Variants in DGKI observed in about 807,000 individuals in gnomAD.
DGKI encodes the protein diacylglycerol kinase iota, also known as DAG kinase iota.
In DGKI, 55 loss-of-function variants were observed where a neutral mutation model predicts 147.5. The observed-to-expected ratio is 0.37, with a 90% CI of 0.30 to 0.47. The LOEUF (loss-of-function observed/expected upper bound fraction) is 0.47, where lower values mean the gene tolerates loss of function less well. Ranked by LOEUF, DGKI falls within the 20% of genes least tolerant of loss-of-function variation. The pLI, the probability that DGKI is intolerant of heterozygous loss-of-function variation, is 1.00. For missense variants in DGKI, 1,007 were observed against 1,323.8 expected, an observed-to-expected ratio of 0.76 and a Z score of 3.71; for synonymous variants, 469 against 477.1, an observed-to-expected ratio of 0.98 and a Z score of 0.22.
chr7:137,566,520 A>G (rs1818591504), intron 19 of DGKI, among the ~76,000 whole-genome samples: 1 of 152,170 alleles, frequency 6.6e-6, no homozygotes, highest in African/African-American at 2.4e-5. Context: ...CTTTTCTTAG[A>G]TAGCATTCTC....
At chr7:137,585,001 G>A (rs186287572) in intron 14 of DGKI, among the ~76,000 whole-genome samples, 39 of 152,286 alleles carry the variant, frequency 2.6e-4, no homozygotes, top group African/African-American at 8.9e-4. Flanking sequence ...TTTGGAAGCA[G>A]GTACGGAATC....
At chr7:137,580,593 T>A (rs1340431145) in intron 15 of DGKI, among the ~76,000 whole-genome samples, 1 of 152,128 alleles carries the variant, frequency 6.6e-6, no homozygotes, top group Non-Finnish European at 1.5e-5. Context: ...GAGCCTGTCC[T>A]CTCAAAACCT....
intron 1 of DGKI, among the ~76,000 whole-genome samples, chr7:137,708,836 A>T (rs1794126381): frequency 6.6e-6 from 1 of 152,222 alleles, no homozygotes; most frequent in South Asian, 2.1e-4. Context: ...GGCTACTAAG[A>T]GGAGGTGACA....
chr7:137,695,604 A>G (rs1175986201), intron 1 of DGKI, among the ~76,000 whole-genome samples: 1 of 152,192 alleles, frequency 6.6e-6, no homozygotes, highest in Admixed American at 6.6e-5. Flanking sequence ...AGGTAAGAAG[A>G]GGTCCGAGTA....
intron 8 of DGKI, among the ~76,000 whole-genome samples, chr7:137,614,237 G>A (rs1270490277): frequency 1.3e-5 from 2 of 152,102 alleles, no homozygotes; most frequent in Non-Finnish European, 2.9e-5. Flanking sequence ...TGAGATTCAT[G>A]AGAAAGTTAC....
chr7:137,586,413 C>G (rs990650440), intron 13 of DGKI, among the ~76,000 whole-genome samples: 4 of 150,970 alleles, frequency 2.6e-5, no homozygotes, highest in African/African-American at 9.8e-5. Context: ...GGCGACACAA[C>G]AAGACTGCAT....
intron 1 of DGKI, among the ~76,000 whole-genome samples, chr7:137,810,973 T>C (rs1014477616): frequency 2.6e-5 from 4 of 152,188 alleles, no homozygotes; most frequent in Non-Finnish European, 4.4e-5. Context: ...ATTCTACGTA[T>C]GTACTCAGAT....
intron 1 of DGKI, among the ~76,000 whole-genome samples, chr7:137,700,017 A>C (rs535207150): frequency 3.3e-5 from 5 of 152,214 alleles, no homozygotes; most frequent in Non-Finnish European, 7.3e-5. Context: ...CTAAGCTGTA[A>C]TTCAGAGTGC....
At chr7:137,755,038 G>C (rs912235655) in intron 1 of DGKI, among the ~76,000 whole-genome samples, 2 of 152,096 alleles carry the variant, frequency 1.3e-5, no homozygotes, top group African/African-American at 4.8e-5. Flanking sequence ...TTTGCTCTCA[G>C]GGGCATATCT....
At chr7:137,734,568 A>G in intron 1 of DGKI, among the ~76,000 whole-genome samples, 1 of 151,976 alleles carries the variant, frequency 6.6e-6, no homozygotes, top group Admixed American at 6.6e-5. Flanking sequence ...CCCTGTGACT[A>G]GGGACCTATA....
intron 1 of DGKI, among the ~76,000 whole-genome samples, chr7:137,749,595 G>A (rs1795438761): frequency 6.6e-6 from 1 of 152,154 alleles, no homozygotes; most frequent in African/African-American, 2.4e-5. Context: ...TGTAGACAGA[G>A]GATTTAAGGG....
chr7:137,531,301 T>A (rs1817329877), intron 20 of DGKI, among the ~76,000 whole-genome samples: 1 of 152,160 alleles, frequency 6.6e-6, no homozygotes, highest in South Asian at 2.1e-4. Flanking sequence ...CAGGCCAAAA[T>A]CATTTCCACT....
chr7:137,744,011 C>T (rs1045156306), intron 1 of DGKI, among the ~76,000 whole-genome samples: 7 of 150,436 alleles, frequency 4.7e-5, no homozygotes, highest in African/African-American at 1.7e-4. Flanking sequence ...AAACTAATCC[C>T]AAAGCTAGTA....
Position 137,578,952 on chromosome 7 carries a change from TG to T in DGKI, c.1643-628del, listed in dbSNP as rs547731404. On this transcript the variant is annotated intron_variant, in intron 15 of 32. Coordinates refer to ENST00000614521, the MANE Select transcript of DGKI (RefSeq NM_001321708.2). ...AAAAGAAATACAATATATGTAGTTA[TG>T]CTGAGAAGTGTCCATTTGATGGGCT... Among the ~76,000 whole-genome samples, 55 of 152,350 alleles carry T rather than the reference TG, an allele frequency of 3.6e-4. No homozygotes were observed. In the South Asian group the frequency reaches 0.011, roughly 31 times the overall value.
chr7:137,502,557 G>C (rs1417849459), intron 21 of DGKI, among the ~76,000 whole-genome samples: 1 of 151,926 alleles, frequency 6.6e-6, no homozygotes, highest in Non-Finnish European at 1.5e-5. Flanking sequence ...GAGGAGAAAG[G>C]GGAAGGGAGG....
At chr7:137,611,603 A>G (rs1424933049) in intron 8 of DGKI, among the ~76,000 whole-genome samples, 2 of 152,146 alleles carry the variant, frequency 1.3e-5, no homozygotes, top group Non-Finnish European at 2.9e-5. Context: ...CAGTTTCTTA[A>G]TTTTAAAATG....
At chr7:137,736,348 G>A (rs1053461288) in intron 1 of DGKI, among the ~76,000 whole-genome samples, 1 of 152,060 alleles carries the variant, frequency 6.6e-6, no homozygotes, top group African/African-American at 2.4e-5. Flanking sequence ...TAATGTAGGG[G>A]TTCTGGAGCC....
intron 1 of DGKI, among the ~76,000 whole-genome samples, chr7:137,740,159 C>T (rs1795135992): frequency 2.0e-5 from 3 of 152,160 alleles, no homozygotes; most frequent in Admixed American, 6.5e-5. Context: ...AGCACAAATT[C>T]CATTTATGCA....
chr7:137,426,263 G>C (rs1812800243), intron 28 of DGKI, among the ~76,000 whole-genome samples: 1 of 152,150 alleles, frequency 6.6e-6, no homozygotes, highest in South Asian at 2.1e-4. Context: ...TTAAAGACAA[G>C]AATTTCCAAC....
Sources: gnomAD v4.1 joint callset for allele counts (sites outside exome capture counted in the v4.1 genomes callset) on GRCh38, gnomAD v4.1.1 for gene constraint, MANE v1.5 for transcripts, NCBI Gene and HGNC (gene_info 2026-07-23, HGNC 2026-07-21) for gene names.